Variants in H1-8 observed in about 807,000 individuals in gnomAD.
H1-8 encodes the protein histone H1.8.
Under a neutral mutation model 19.5 loss-of-function variants are expected in H1-8, and 13 were observed. The ratio of observed to expected loss-of-function variants is 0.67; its 90% confidence interval spans 0.43 to 1.06. The LOEUF (loss-of-function observed/expected upper bound fraction) is 1.06, where lower values mean the gene tolerates loss of function less well. Ranked by LOEUF, H1-8 falls within the 50% of genes least tolerant of loss-of-function variation. H1-8 has a pLI of 0.00. For synonymous variants in H1-8, 193 were observed against 187.6 expected (o/e 1.03, Z -0.24); for missense variants, 432 against 459.8 (o/e 0.94, Z 0.55).
chr3:129,545,742 G>A (rs988446871), intron 1 of H1-8, among the ~76,000 whole-genome samples: 1 of 152,100 alleles, frequency 6.6e-6, no homozygotes, highest in Non-Finnish European at 1.5e-5. Flanking sequence ...GCTCCTCCAT[G>A]TCGTAGCCAG....
intron 4 of H1-8, 78 bp from the exon 5 acceptor site, chr3:129,551,029 T>C (rs750612133): frequency 1.8e-4 from 241 of 1,309,866 alleles, no homozygotes; most frequent in South Asian, 3.6e-4. Context: ...AGGGCGATGT[T>C]GTGTACCCAG....
Position 129,547,489 on chromosome 3 carries a change from C to A in H1-8, c.187C>A (p.Leu63Met), listed in dbSNP as rs767800896. The A allele has an allele frequency of 2.2e-5, 34 of 1,559,178 alleles. No homozygotes were observed. Among genetic ancestry groups the A allele is most frequent in the Non-Finnish European group, 2.9e-5 (33 of 1,151,926 alleles). ...PPVLRMVLEA[L>M]QAGEQRRGTS... is the part of the protein sequence containing the mutation. The stretch of plus-strand genomic sequence containing the variant: ...GGTGCTACGCATGGTGCTGGAGGCG[C>A]TGCAGGCTGGGGAGCAGCGCCGGGG... The change falls in exon 2 of 5, where the codon CTG becomes ATG. Residue 63 changes from leucine to methionine, a missense_variant. Transcript: ENST00000324382.
In H1-8 at chr3:129,547,419, A is replaced by G; in HGVS notation, c.117A>G (p.Gly39=). The G allele has an allele frequency of 2.1e-6, 3 of 1,427,954 alleles. No individual in the cohort carries two copies. The highest frequency in any genetic ancestry group is 1.9e-6 in the Non-Finnish European group (2 of 1,077,236). 88.5% of individuals were successfully genotyped at this position (1,427,954 alleles called of 1,614,324 possible). A position where few individuals can be genotyped will look rare whatever the true frequency, so the allele number is the denominator to read the frequency against. The change falls in exon 2 of 5, where the codon GGA becomes GGG. Residue 39 remains glycine (G), a synonymous_variant. Transcript: ENST00000324382. ...CGAGCCACGGCGGTGTCCCACCAGG[A>G]GGCCCGAGCCACAGCAGCCTCCCGG... is the stretch of plus-strand genomic sequence containing the variant. ...PGPSHGGVPP[G]GPSHSSLPVG...
chr3:129,544,622 A>G (rs2084875081), intron 1 of H1-8, among the ~76,000 whole-genome samples: 1 of 151,946 alleles, frequency 6.6e-6, no homozygotes, highest in Non-Finnish European at 1.5e-5. Flanking sequence ...GGCATGGAAT[A>G]GCTGCCGAAT....
Position 129,549,160 on chromosome 3 carries a change from C to A in H1-8, c.538C>A (p.Pro180Thr), listed in dbSNP as rs1418580603. 2 of 1,566,486 alleles carry A rather than the reference C, an allele frequency of 1.3e-6. No homozygotes were observed. The highest frequency in any genetic ancestry group is 1.9e-5 in the Admixed American group (1 of 52,118). Residue 180 changes from proline (P) to threonine (T), a missense_variant, in exon 3 of 5, where the codon CCA (proline) becomes ACA (threonine). Pro to Thr is a conservative substitution (Grantham distance 38). Coordinates refer to ENST00000324382, the MANE Select transcript of H1-8 (RefSeq NM_153833.3). ...VGKVKKAAKR[P>T]AKVQKPPPKP... ...CAAGGTGAAAAAGGCAGCCAAGAGG[C>A]CAGCAAAGGTGCAGAAGCCTCCTCC...
chr3:129,551,207 C>T lies in H1-8; in HGVS notation c.908C>T (p.Ala303Val), dbSNP rs774680023. 1.2e-6 allele frequency: 2 copies of T among 1,614,238 alleles called. No homozygotes were observed. The highest frequency in any genetic ancestry group is 1.7e-6 in the Non-Finnish European group (2 of 1,180,028). Reference sequence around the variant, plus strand: ...CCAAACACCAAGGCTGCTGCTCCTGCTAAGGGCAGTGGGTCCAAGGTGGTA... The same window carrying T: ...CCAAACACCAAGGCTGCTGCTCCTGTTAAGGGCAGTGGGTCCAAGGTGGTA... ...QGPNTKAAAP[A>V]KGSGSKVVPA... is the part of the protein sequence containing the mutation. Residue 303 changes from alanine (A) to valine (V), a missense_variant, in exon 5 of 5, where the codon GCT becomes GTT. By Grantham distance (64) the Ala-to-Val change is moderately conservative. Coordinates refer to ENST00000324382, the MANE Select transcript of H1-8 (RefSeq NM_153833.3).
At position 129,547,565 on chromosome 3, in the gene H1-8, T is replaced by C; in HGVS notation, c.263T>C (p.Val88Ala). The stretch of plus-strand genomic sequence containing the variant: ...TACATCCTGCACAAGTACCCAACAG[T>C]GGACGTCCTCCGCTTCAAGTACCTG... ...KLYILHKYPT[V>A]DVLRFKYLLK... The change falls in exon 2 of 5, where the codon GTG becomes GCG. Residue 88 changes from valine (V) to alanine (A), a missense_variant. Transcript: ENST00000324382. 4 of 1,572,224 alleles carry C rather than the reference T, an allele frequency of 2.5e-6. No individual in the cohort carries two copies. The highest frequency in any genetic ancestry group is 3.5e-6 in the Non-Finnish European group (4 of 1,158,794).
intron 1 of H1-8, among the ~76,000 whole-genome samples, chr3:129,545,414 A>C (rs1425376769): frequency 3.3e-5 from 5 of 151,908 alleles, no homozygotes; most frequent in Non-Finnish European, 4.4e-5. Flanking sequence ...CCTTGATCCC[A>C]CTTCATTTGC....
chr3:129,550,850 T>A, intron 4 of H1-8, 41 bp downstream of exon 4: 1 of 1,551,286 alleles, frequency 6.4e-7, no homozygotes, highest in Non-Finnish European at 8.8e-7. Flanking sequence ...CTGCCTGCCC[T>A]GAACAGGCCA....
At chr3:129,547,369 A>G in intron 1 of H1-8, 22 bp from the exon 2 acceptor site, 3 of 1,470,250 alleles carry the variant, frequency 2.0e-6, no homozygotes, top group Non-Finnish European at 2.7e-6. Flanking sequence ...GCCCCGGGTG[A>G]TGGCCTGCCA....
At position 129,547,664 on chromosome 3, in the gene H1-8, C is replaced by A. The variant is rs780858295; in HGVS notation, c.362C>A (p.Ala121Asp). Residue 121 changes from alanine to aspartate, a missense_variant, in exon 2 of 5, where the codon GCC becomes GAC. Ala to Asp is a moderately radical substitution (Grantham distance 126, BLOSUM62 -2). Coordinates refer to ENST00000324382, the MANE Select transcript of H1-8 (RefSeq NM_153833.3). ...ARPLNSKARG[A>D]TGSFKLVPKH... ...CCCCTCAACTCCAAAGCCAGGGGGG[C>A]CACTGGCAGCTTCAAAGTAAGCGCC... is the stretch of plus-strand genomic sequence containing the variant. 31 of 1,542,586 alleles carry A rather than the reference C, an allele frequency of 2.0e-5. No individual in the cohort carries two copies. In the African/African-American group the frequency reaches 4.1e-4, roughly 21 times the overall value.
chr3:129,549,242 C>T lies in H1-8; in HGVS notation c.620C>T (p.Thr207Ile), dbSNP rs367900685. Residue 207 changes from threonine to isoleucine, a missense_variant, in exon 3 of 5, where the codon ACC becomes ATC. By Grantham distance (89) the Thr-to-Ile change is moderately conservative. Transcript: ENST00000324382. ...AAGCAAGGCGGCGCGGCCAAGGACA[C>T]CAGGGCACAGTCGGGAGAGGCTAGG... is the stretch of plus-strand genomic sequence containing the variant. ...ARKQGGAAKD[T>I]RAQSGEARKV... is the part of the protein sequence containing the mutation. 5.0e-6 allele frequency: 8 copies of T among 1,590,396 alleles called. No homozygotes were observed. The highest frequency in any genetic ancestry group is 6.8e-6 in the Non-Finnish European group (8 of 1,169,360).
In H1-8 at chr3:129,549,056, C is replaced by A; in HGVS notation, c.434C>A (p.Ala145Asp). 6.2e-7 allele frequency: 1 copy of A among 1,613,558 alleles called. No individual in the cohort carries two copies. ...IQPRKMAPATAPRRAGEAKGK... is the reference protein window; with the variant it reads ...IQPRKMAPATDPRRAGEAKGK... ...CCCAGGAAGATGGCCCCCGCGACGG[C>A]TCCCAGGAGAGCGGGTGAGGCCAAG... Residue 145 changes from alanine to aspartate, a missense_variant, in exon 3 of 5, where the codon GCT becomes GAT. By Grantham distance (126) the Ala-to-Asp change is moderately radical. Transcript: ENST00000324382.
chr3:129,543,242 C>T lies in H1-8; in HGVS notation c.24C>T (p.Ser8=), dbSNP rs201399983. MAPGSVT[S]DISPSSTSTA... The stretch of plus-strand genomic sequence containing the variant: ...TCATGGCTCCTGGGAGCGTCACCAG[C>T]GACATCTCACCCTCCTCGACTTCCA... Residue 8 remains serine (S), a synonymous_variant, in exon 1 of 5, where the codon AGC becomes AGT. Transcript: ENST00000324382. 2.3e-4 allele frequency: 376 copies of T among 1,613,458 alleles called. 4 individuals carry two copies. The East Asian group carries it at 5.3e-3, about 23-fold the overall frequency.
rs1252008654 is a variant in H1-8, at chr3:129,547,663, G to C, written c.361G>C (p.Ala121Pro). 1 of 1,542,908 alleles carries C rather than the reference G, an allele frequency of 6.5e-7. No individual in the cohort carries two copies. The highest frequency in any genetic ancestry group is 2.0e-5 in the Admixed American group (1 of 50,336). Residue 121 changes from alanine (A) to proline (P), a missense_variant, in exon 2 of 5, where the codon GCC (alanine) becomes CCC (proline). Coordinates refer to ENST00000324382, the MANE Select transcript of H1-8 (RefSeq NM_153833.3). ...GCCCCTCAACTCCAAAGCCAGGGGGGCCACTGGCAGCTTCAAAGTAAGCGC... is the reference window on the plus strand; with the variant it reads ...GCCCCTCAACTCCAAAGCCAGGGGGCCCACTGGCAGCTTCAAAGTAAGCGC... The part of the protein sequence containing the change: ...ARPLNSKARG[A>P]TGSFKLVPKH...
chr3:129,548,837 G>T (rs564549978), intron 2 of H1-8, among the ~76,000 whole-genome samples, 164 bp from the exon 3 acceptor site: 2 of 152,248 alleles, frequency 1.3e-5, no homozygotes, highest in African/African-American at 4.8e-5. Context: ...AATCATAGTA[G>T]ACAGTGCCTC....
At chr3:129,548,950 C>A in intron 2 of H1-8, 51 bp from the exon 3 acceptor site, 2 of 1,539,594 alleles carry the variant, frequency 1.3e-6, no homozygotes, top group Non-Finnish European at 1.7e-6. Flanking sequence ...GGGTGGGGGG[C>A]GTGAGGCACC....
Position 129,549,032 on chromosome 3 carries a change from C to T in H1-8, c.410C>T (p.Pro137Leu). 1 of 1,611,826 alleles carries T rather than the reference C, an allele frequency of 6.2e-7. No individual in the cohort carries two copies. The change falls in exon 3 of 5, where the codon CCC becomes CTC. Residue 137 changes from proline to leucine, a missense_variant. Physicochemically the swap from Pro to Leu is moderately conservative, Grantham distance 98. Transcript: ENST00000324382. Reference protein sequence around the residue: ...LVPKHKKKIQPRKMAPATAPR... With the variant: ...LVPKHKKKIQLRKMAPATAPR... Reference sequence around the variant, plus strand: ...CCCAAGCACAAGAAGAAAATCCAGCCCAGGAAGATGGCCCCCGCGACGGCT... The same window carrying T: ...CCCAAGCACAAGAAGAAAATCCAGCTCAGGAAGATGGCCCCCGCGACGGCT...
At chr3:129,550,465 C>A (rs1246543780) in intron 3 of H1-8, among the ~76,000 whole-genome samples, 2 of 152,108 alleles carry the variant, frequency 1.3e-5, no homozygotes, top group African/African-American at 2.4e-5. Context: ...GCTGACAGGC[C>A]CGTTAGACGT....
Sources: allele counts gnomAD v4.1 joint callset (sites outside exome capture counted in the v4.1 genomes callset), GRCh38; gene constraint gnomAD v4.1.1; transcripts MANE v1.5; gene names NCBI Gene and HGNC (gene_info 2026-07-23, HGNC 2026-07-21).